DMTN: variants seen among roughly 807,000 people sequenced by gnomAD.
DMTN encodes the protein dematin actin binding protein, also known as dematin.
DMTN carries 27 observed loss-of-function variants against 59.4 expected under a neutral mutation model. The ratio of observed to expected loss-of-function variants is 0.45; its 90% CI spans 0.33 to 0.63. The LOEUF is 0.63. DMTN is among the 20% of genes least tolerant of loss of function. The pLI is 0.02. For synonymous variants in DMTN, 221 were observed against 203.7 expected, an observed-to-expected ratio of 1.08 and a Z score of -0.72; for missense variants, 451 against 528.9, an observed-to-expected ratio of 0.85 and a Z score of 1.45.
rs1169252041 is a variant in DMTN, at chr8:22,073,513, C to A, written c.730-217C>A. ...GGGTGTGGTGGTGCATGCCTGTGGT[C>A]CCAGCTCCTCAGGAGGCTGAGGAGG... is the stretch of plus-strand genomic sequence containing the variant. On this transcript the variant is annotated intron_variant, in intron 9 of 15. Transcript: ENST00000358242. Among the ~76,000 whole-genome samples the A allele has an allele frequency of 2.7e-5, 4 of 150,832 alleles. No individual in the cohort carries two copies. The East Asian group carries it at 7.8e-4, about 29-fold the overall frequency.
At chr8:22,079,303 A>ATATATATATAGAG (rs67715172) in intron 10 of DMTN, among the ~76,000 whole-genome samples, 2 of 52,220 alleles carry the variant, frequency 3.8e-5, no homozygotes, top group African/African-American at 1.2e-4. Flanking sequence ...TATATATATT[A>ATATATATATAGAG]GCTGGGTTTG....
In DMTN at chr8:22,058,268, G is replaced by A. The variant is rs531731810; in HGVS notation, c.-172+1132G>A. On this transcript the variant is annotated intron_variant, in intron 1 of 15. Coordinates refer to ENST00000358242, the MANE Select transcript of DMTN (RefSeq NM_001387751.1). The surrounding 1 kb of genome is among the most constrained non-coding windows in gnomAD (Gnocchi z 4.3). ...GACTCCTGGGTGAGGTTGTCCACCC[G>A]TGGGTGGATGTCTGCAGAATCCCTC... Among the ~76,000 whole-genome samples, 33 of 152,306 alleles carry A rather than the reference G, an allele frequency of 2.2e-4. No homozygotes were observed. The highest frequency in any genetic ancestry group is 7.0e-4 in the African/African-American group (29 of 41,570).
At chr8:22,061,678 C>T (rs1028926908) in intron 1 of DMTN, among the ~76,000 whole-genome samples, 10 of 152,084 alleles carry the variant, frequency 6.6e-5, no homozygotes, top group African/African-American at 2.4e-4. Flanking sequence ...TGTGCAGCTG[C>T]ACATGCTCCT....
In DMTN at chr8:22,069,403, C is replaced by T. The variant is rs376084791; in HGVS notation, c.295-16C>T. The stretch of plus-strand genomic sequence containing the variant: ...GGGGGTTAGGGGCCCTGGAGCCACA[C>T]GCTTCTGCTCTGCAGGTGTGGGCGG... On this transcript the variant is annotated splice_polypyrimidine_tract_variant and intron_variant, in intron 5 of 15. Transcript: ENST00000358242. The T allele has an allele frequency of 1.8e-5, 29 of 1,606,572 alleles. No homozygotes were observed. The highest frequency in any genetic ancestry group is 3.4e-5 in the Admixed American group (2 of 58,596).
chr8:22,074,427 C>T (rs1250754825), intron 10 of DMTN, among the ~76,000 whole-genome samples: 1 of 152,224 alleles, frequency 6.6e-6, no homozygotes, highest in African/African-American at 2.4e-5. Flanking sequence ...GTGTGCGTCA[C>T]CATGCCTGGC....
intron 5 of DMTN, 139 bp from the exon 6 acceptor site, chr8:22,069,280 G>A: frequency 1.1e-6 from 1 of 890,252 alleles, no homozygotes; most frequent in Middle Eastern, 2.4e-4. Flanking sequence ...CCTTGGAACT[G>A]TGCCACAACA....
chr8:22,066,786 C>T lies in DMTN; in HGVS notation c.-90C>T, dbSNP rs9657287. 0.97 allele frequency: 1,317,025 copies of T among 1,364,182 alleles called. 635,976 individuals carry two copies. Among genetic ancestry groups the T allele is most frequent in the East Asian group, 0.99 (31,083 of 31,418 alleles). The allele number at this position is 1,364,182 out of a possible 1,614,324, so 84.5% of individuals were successfully genotyped here. The stretch of plus-strand genomic sequence containing the variant: ...TGCTTTCGCGGCCCCAAGCGCGCAG[C>T]GCCCAGCAGCCGCGCCGAGCCTGAC... On this transcript the variant is annotated 5_prime_UTR_variant, in exon 2 of 16. Transcript: ENST00000358242.
chr8:22,062,296 C>T (rs1262248503), intron 1 of DMTN, among the ~76,000 whole-genome samples: 1 of 151,992 alleles, frequency 6.6e-6, no homozygotes, highest in Non-Finnish European at 1.5e-5. Context: ...TAGGGTCTCT[C>T]TATGTTGCCC....
chr8:22,053,098 G>A (rs888236804), upstream of DMTN, among the ~76,000 whole-genome samples: 2 of 152,192 alleles, frequency 1.3e-5, no homozygotes, highest in Non-Finnish European at 2.9e-5. Flanking sequence ...AAACGGGCAC[G>A]AGAATCAAGG....
chr8:22,052,270 G>GAAATT (rs1307858138), upstream of DMTN, among the ~76,000 whole-genome samples: 2 of 152,232 alleles, frequency 1.3e-5, no homozygotes, highest in African/African-American at 4.8e-5. Flanking sequence ...CCCAGATGTA[G>GAAATT]AAATAGTCCA....
At chr8:22,063,124 CT>C (rs930275680) in intron 1 of DMTN, among the ~76,000 whole-genome samples, 1 of 152,214 alleles carries the variant, frequency 6.6e-6, no homozygotes, top group African/African-American at 2.4e-5. Flanking sequence ...ACCTGTTCCC[CT>C]GATGCACCCA....
At chr8:22,079,053 C>T (rs905262727) in intron 10 of DMTN, among the ~76,000 whole-genome samples, 3 of 151,044 alleles carry the variant, frequency 2.0e-5, no homozygotes, top group South Asian at 2.1e-4. Flanking sequence ...CCACCTCGGC[C>T]TCCCAGAATG....
rs199886920 is a variant in DMTN, at chr8:22,081,891, TACTC to T, written c.*433_*436del. ...TTGTGTCGCCCACCCAGCCCTCCCA[TACTC>T]ACTCCTGACAGCTTTCCTGCACTGC... On this transcript the variant is annotated 3_prime_UTR_variant, in exon 16 of 16. Coordinates refer to ENST00000358242, the MANE Select transcript of DMTN (RefSeq NM_001387751.1). 1 of 439,990 alleles carries T rather than the reference TACTC, an allele frequency of 2.3e-6. No individual in the cohort carries two copies. Among genetic ancestry groups the T allele is most frequent in the East Asian group, 7.6e-5 (1 of 13,082 alleles). The allele number at this position is 439,990 out of a possible 1,614,324, so 27.3% of individuals were successfully genotyped here.
Position 22,080,614 on chromosome 8 carries a change from G to A in DMTN, c.950-4G>A, listed in dbSNP as rs1352762486. ...ATCTGACCCATGCCCCTTCTCTCCC[G>A]CAGGCCTGCAGGTGAGTGCCTCCTG... On this transcript the variant is annotated splice_region_variant and splice_polypyrimidine_tract_variant and intron_variant, in intron 12 of 15. Coordinates refer to ENST00000358242, the MANE Select transcript of DMTN (RefSeq NM_001387751.1). 6.2e-6 allele frequency: 10 copies of A among 1,606,702 alleles called. No individual in the cohort carries two copies. The highest frequency in any genetic ancestry group is 3.4e-5 in the Admixed American group (2 of 58,548).
At chr8:22,079,303 A>ATATAGAG (rs67715172) in intron 10 of DMTN, among the ~76,000 whole-genome samples, 1 of 52,220 alleles carries the variant, frequency 1.9e-5, no homozygotes, top group African/African-American at 5.8e-5. Flanking sequence ...TATATATATT[A>ATATAGAG]GCTGGGTTTG....
At chr8:22,081,249 C>A in intron 15 of DMTN, 56 bp downstream of exon 15, 1 of 1,607,832 alleles carries the variant, frequency 6.2e-7, no homozygotes, top group Non-Finnish European at 8.5e-7. Flanking sequence ...CACTCTCCTG[C>A]CTGGGGGAAG....
intron 1 of DMTN, among the ~76,000 whole-genome samples, chr8:22,064,705 G>A (rs937247629): frequency 2.0e-5 from 3 of 152,172 alleles, no homozygotes; most frequent in African/African-American, 2.4e-5. Context: ...TGATCTGCCC[G>A]CCTTGGCCTC....
At chr8:22,070,043 C>A (rs1814078777) in intron 7 of DMTN, 106 bp downstream of exon 7, 2 of 1,560,336 alleles carry the variant, frequency 1.3e-6, no homozygotes, top group Admixed American at 3.4e-5. Flanking sequence ...TAGCATGTCA[C>A]AGCAGCACGT....
intron 1 of DMTN, chr8:22,057,813 T>A (rs1290156722): frequency 6.6e-6 from 1 of 152,332 alleles, no homozygotes; most frequent in East Asian, 1.9e-4. Context: ...GCCTAGCAGG[T>A]CCAGCCCCCT....
Sources: allele counts gnomAD v4.1 joint callset (sites outside exome capture counted in the v4.1 genomes callset), GRCh38; gene constraint gnomAD v4.1.1; non-coding constraint Gnocchi (gnomAD v3.1); transcripts MANE v1.5; gene names NCBI Gene and HGNC (gene_info 2026-07-23, HGNC 2026-07-21).